ARHGAP5: variants seen among roughly 807,000 people sequenced by gnomAD.
The protein encoded by ARHGAP5 is Rho GTPase activating protein 5, also known as rho GTPase-activating protein 5.
In ARHGAP5, 23 loss-of-function variants were observed where a neutral mutation model predicts 116.6. The observed-to-expected ratio is 0.20, with a 90% confidence interval of 0.14 to 0.28. The LOEUF is 0.28. ARHGAP5 is among the 10% of genes least tolerant of loss of function. The probability of loss-of-function intolerance (pLI) is 1.00; values close to 1 mark genes in which losing one functional copy is unlikely to be tolerated. For synonymous variants in ARHGAP5, 574 were observed against 602.0 expected, an observed-to-expected ratio of 0.95 and a Z score of 0.68; for missense variants, 1,405 against 1,774.8, an observed-to-expected ratio of 0.79 and a Z score of 3.74.
chr14:32,086,581 TA>T (rs1388406203), intron 1 of ARHGAP5, among the ~76,000 whole-genome samples: 1 of 151,810 alleles, frequency 6.6e-6, no homozygotes, highest in Non-Finnish European at 1.5e-5. Flanking sequence ...TGGTATAATT[TA>T]AAAGCATAAA....
chr14:32,078,024 A>G (rs1447027584), intron 1 of ARHGAP5, among the ~76,000 whole-genome samples: 3 of 152,088 alleles, frequency 2.0e-5, no homozygotes, highest in Non-Finnish European at 2.9e-5. Context: ...GTAAGATATG[A>G]GAAGTTGCAC....
intron 1 of ARHGAP5, among the ~76,000 whole-genome samples, chr14:32,083,970 A>G (rs760256239): frequency 1.3e-5 from 2 of 152,216 alleles, no homozygotes; most frequent in Non-Finnish European, 2.9e-5. Context: ...AGCACAGTAA[A>G]TAAATACTTA....
At chr14:32,140,094 G>GT (rs1566681674) in intron 3 of ARHGAP5, among the ~76,000 whole-genome samples, 7 of 32,444 alleles carry the variant, frequency 2.2e-4, no homozygotes, top group Non-Finnish European at 3.4e-4. Context: ...TAGGTTATTT[G>GT]TTCTTTTTTT....
At chr14:32,082,610 C>T (rs1426402010) in intron 1 of ARHGAP5, among the ~76,000 whole-genome samples, 2 of 152,064 alleles carry the variant, frequency 1.3e-5, no homozygotes, top group African/African-American at 4.8e-5. Flanking sequence ...CAGTGGCACT[C>T]AGCTCACTGC....
At chr14:32,142,692 C>T (rs1426747434) in intron 3 of ARHGAP5, among the ~76,000 whole-genome samples, 1 of 152,198 alleles carries the variant, frequency 6.6e-6, no homozygotes, top group Non-Finnish European at 1.5e-5. Flanking sequence ...ACTTGTGTAA[C>T]CCACACCCAC....
chr14:32,091,576 T>G lies in ARHGAP5; in HGVS notation c.907T>G (p.Tyr303Asp). 1 of 1,612,466 alleles carries G rather than the reference T, an allele frequency of 6.2e-7. No individual in the cohort carries two copies. Among genetic ancestry groups the G allele is most frequent in the Non-Finnish European group, 8.5e-7 (1 of 1,179,312 alleles). The change falls in exon 2 of 7, where the codon TAT becomes GAT. Residue 303 changes from tyrosine (Y) to aspartate (D), a missense_variant. This residue lies in a region of ARHGAP5 where 944 missense variants were observed against 1,095.3 expected (regional missense o/e 0.86). Transcript: ENST00000345122. Reference protein sequence around the residue: ...VSNKLKNHPDYEEYINLEGTR... With the variant: ...VSNKLKNHPDDEEYINLEGTR... ...TAATAAATTAAAAAATCATCCTGAT[T>G]ATGAAGAATACATCAACTTAGAGGG...
chr14:32,148,210 C>G (rs1287395287), intron 4 of ARHGAP5, among the ~76,000 whole-genome samples: 1 of 147,102 alleles, frequency 6.8e-6, no homozygotes, highest in Admixed American at 6.9e-5. Flanking sequence ...ATCTATCTAT[C>G]TATGTATATC....
At chr14:32,117,406 T>C in intron 3 of ARHGAP5, 119 bp downstream of exon 3, 1 of 924,306 alleles carries the variant, frequency 1.1e-6, no homozygotes, top group Admixed American at 3.3e-5. Context: ...TTATTTAGTA[T>C]TAACTCCATC....
At chr14:32,135,659 A>G (rs1026899435) in intron 3 of ARHGAP5, among the ~76,000 whole-genome samples, 5 of 152,160 alleles carry the variant, frequency 3.3e-5, no homozygotes, top group African/African-American at 9.6e-5. Flanking sequence ...CTGGCCTCAG[A>G]TGATCCACCC....
At chr14:32,122,645 A>G (rs1266063730) in intron 3 of ARHGAP5, among the ~76,000 whole-genome samples, 1 of 152,168 alleles carries the variant, frequency 6.6e-6, no homozygotes, top group Non-Finnish European at 1.5e-5. Context: ...CGGTTTTATC[A>G]CATACATTTA....
chr14:32,092,930 T>A lies in ARHGAP5; in HGVS notation c.2261T>A (p.Leu754Ter). ...ATAAAGCAAGCTCTCAGAGGAGTAT[T>A]GGAATCAGTTAAACACAATTTGGAT... ...TQIKQALRGV[L>*]ESVKHNLDVV... Residue 754 changes from leucine (L) to a stop codon, truncating the protein, a stop_gained, in exon 2 of 7, where the codon TTG (leucine) becomes TAG (stop). Transcript: ENST00000345122. LOFTEE classifies it high-confidence loss of function. The surrounding 1 kb of genome is among the most constrained non-coding windows in gnomAD (Gnocchi z 4.1). 6.2e-7 allele frequency: 1 copy of A among 1,614,064 alleles called. No individual in the cohort carries two copies. The highest frequency in any genetic ancestry group is 8.5e-7 in the Non-Finnish European group (1 of 1,179,940).
Position 32,154,431 on chromosome 14 carries a change from G to A in ARHGAP5, c.4182-190G>A. 2.0e-5 allele frequency: 11 copies of A among 560,106 alleles called. No individual in the cohort carries two copies. In the South Asian group the frequency reaches 2.4e-4, roughly 12 times the overall value. 34.7% of individuals were successfully genotyped at this position (560,106 alleles called of 1,614,324 possible). ...CCCAAAGTGCTGCGATTACAGGCGT[G>A]AGCCACTGCACCTGGCCCAGGAAAA... On this transcript the variant is annotated intron_variant, in intron 6 of 6. Transcript: ENST00000345122.
intron 1 of ARHGAP5, among the ~76,000 whole-genome samples, chr14:32,079,307 G>A (rs1162004481): frequency 1.3e-5 from 2 of 152,186 alleles, no homozygotes; most frequent in African/African-American, 4.8e-5. Context: ...GAGTACTGGG[G>A]AGTGAGGTGG....
chr14:32,142,405 G>A (rs1162134412), intron 3 of ARHGAP5, among the ~76,000 whole-genome samples: 1 of 152,136 alleles, frequency 6.6e-6, no homozygotes, highest in African/African-American at 2.4e-5. Context: ...CTTTTGCTGT[G>A]TGTTGTTTAT....
At chr14:32,105,147 A>G (rs149192408) in intron 2 of ARHGAP5, among the ~76,000 whole-genome samples, 24 of 152,328 alleles carry the variant, frequency 1.6e-4, no homozygotes, top group Admixed American at 5.9e-4. Context: ...ATGCAGTTCT[A>G]GAAGTCAGTC....
intron 2 of ARHGAP5, among the ~76,000 whole-genome samples, chr14:32,104,810 A>G (rs1263350562): frequency 1.3e-5 from 2 of 152,130 alleles, no homozygotes; most frequent in Non-Finnish European, 2.9e-5. Flanking sequence ...TTTCAGAAAT[A>G]TATCTGTAGC....
chr14:32,132,035 C>G (rs540876664), intron 3 of ARHGAP5, among the ~76,000 whole-genome samples: 2 of 152,280 alleles, frequency 1.3e-5, no homozygotes, highest in African/African-American at 4.8e-5. Flanking sequence ...AATAGTGCCG[C>G]AATAAACATA....
intron 6 of ARHGAP5, chr14:32,154,135 G>GT (rs937642456): frequency 6.4e-6 from 1 of 156,428 alleles, no homozygotes; most frequent in African/African-American, 2.4e-5. Context: ...ATCAGGAAAG[G>GT]TTTTTTGTTG....
intron 3 of ARHGAP5, among the ~76,000 whole-genome samples, chr14:32,131,298 G>A: frequency 1.1e-5 from 1 of 92,246 alleles, no homozygotes; most frequent in South Asian, 3.4e-4. Context: ...TTTTATTTTT[G>A]CATTTCTAAG....
Sources: allele counts gnomAD v4.1 joint callset (sites outside exome capture counted in the v4.1 genomes callset), GRCh38; gene constraint gnomAD v4.1.1; regional missense constraint gnomAD v4.1.1; non-coding constraint Gnocchi (gnomAD v3.1); transcripts MANE v1.5; gene names NCBI Gene and HGNC (gene_info 2026-07-23, HGNC 2026-07-21).